Variants in SLC35A3 observed in about 807,000 individuals in gnomAD.
SLC35A3 encodes solute carrier family 35 member A3, also known as UDP-N-acetylglucosamine transporter.
SLC35A3 carries 26 observed loss-of-function variants against 39.0 expected under a neutral mutation model. The observed-to-expected ratio is 0.67, with a 90% confidence interval of 0.49 to 0.92. The LOEUF (loss-of-function observed/expected upper bound fraction) is 0.92, where lower values mean the gene tolerates loss of function less well. Ranked by LOEUF, SLC35A3 falls within the 40% of genes least tolerant of loss-of-function variation. The probability of loss-of-function intolerance (pLI) is 0.00; values close to 1 mark genes in which losing one functional copy is unlikely to be tolerated. For synonymous variants in SLC35A3, 135 were observed against 133.1 expected (o/e 1.01, Z -0.10); for missense variants, 299 against 371.6 (o/e 0.80, Z 1.61).
rs527388347 is a variant in SLC35A3 at position 100,029,489 on chromosome 1, G to C, written c.*7013G>C. 6.9e-6 allele frequency: 1 copy of C among 145,728 alleles called. No homozygotes were observed. The highest frequency in any genetic ancestry group is 1.5e-5 in the Non-Finnish European group (1 of 67,400). The allele number at this position is 145,728 out of a possible 1,614,324, so 9.0% of individuals were successfully genotyped here. ...TCTGTCACTCAGGCTGGAGTTCAGC[G>C]GCACGATCTCTGCTCACTGCAACCT... On this transcript the variant is annotated 3_prime_UTR_variant, in exon 8 of 8. Transcript: ENST00000533028.
chr1:100,011,864 G>A (rs575432652), intron 5 of SLC35A3, among the ~76,000 whole-genome samples: 4 of 151,430 alleles, frequency 2.6e-5, no homozygotes, highest in African/African-American at 4.8e-5. Context: ...GACTATAGGC[G>A]CCCGCCACCA....
At chr1:99,972,458 C>T (rs1656874075) in intron 1 of SLC35A3, among the ~76,000 whole-genome samples, 1 of 151,250 alleles carries the variant, frequency 6.6e-6, no homozygotes, top group African/African-American at 2.4e-5. Flanking sequence ...GCCTCAGCCT[C>T]TCGAGTAGCT....
intron 6 of SLC35A3, 75 bp downstream of exon 6, chr1:100,015,495 A>G (rs574187520): frequency 2.1e-6 from 3 of 1,453,636 alleles, no homozygotes; most frequent in East Asian, 2.4e-5. Flanking sequence ...AGCTCCTGAT[A>G]TACTGATGTG....
intron 1 of SLC35A3, among the ~76,000 whole-genome samples, chr1:99,985,876 A>G (rs896647655): frequency 2.0e-5 from 3 of 152,068 alleles, no homozygotes; most frequent in Non-Finnish European, 4.4e-5. Flanking sequence ...CAGCTTGGTC[A>G]CTGTTGGTGT....
At chr1:100,017,848 CA>C (rs1660264737) in intron 7 of SLC35A3, 33 bp downstream of exon 7, 1 of 1,411,942 alleles carries the variant, frequency 7.1e-7, no homozygotes, top group South Asian at 1.4e-5. Flanking sequence ...TTTAAATCCC[CA>C]GAAGTATATA....
intron 2 of SLC35A3, among the ~76,000 whole-genome samples, chr1:99,998,647 G>C (rs932659967): frequency 2.6e-5 from 4 of 152,168 alleles, no homozygotes; most frequent in Admixed American, 6.6e-5. Flanking sequence ...TATTTGAAAA[G>C]TGTAATAAAA....
chr1:99,990,371 C>T (rs991616623), intron 1 of SLC35A3, among the ~76,000 whole-genome samples: 4 of 151,966 alleles, frequency 2.6e-5, no homozygotes, highest in African/African-American at 2.4e-5. Context: ...GTCAGGAGAT[C>T]GAGACCATCC....
chr1:99,992,090 G>A (rs1172993568), intron 1 of SLC35A3, among the ~76,000 whole-genome samples: 3 of 152,136 alleles, frequency 2.0e-5, no homozygotes, highest in Non-Finnish European at 4.4e-5. Flanking sequence ...GTGGTTGATA[G>A]TGTTCAGATT....
chr1:100,012,216 G>A (rs923692937), intron 5 of SLC35A3, among the ~76,000 whole-genome samples: 7 of 151,950 alleles, frequency 4.6e-5, no homozygotes, highest in Non-Finnish European at 7.4e-5. Context: ...CCTAGGAGGC[G>A]GAGGTTGCAG....
intron 7 of SLC35A3, among the ~76,000 whole-genome samples, chr1:100,020,852 G>A (rs1400286194): frequency 6.6e-6 from 1 of 152,152 alleles, no homozygotes; most frequent in Non-Finnish European, 1.5e-5. Context: ...TAAAGACACT[G>A]TCAAGAAAGT....
At chr1:100,016,917 A>G (rs908838809) in intron 6 of SLC35A3, among the ~76,000 whole-genome samples, 2 of 152,204 alleles carry the variant, frequency 1.3e-5, no homozygotes, top group African/African-American at 4.8e-5. Context: ...TAGATGAATG[A>G]CAACATTGCC....
In SLC35A3 at chr1:100,011,360, T is replaced by C. The variant is rs767037243; in HGVS notation, c.466-5T>C. 1.4e-5 allele frequency: 20 copies of C among 1,429,126 alleles called. No homozygotes were observed. The highest frequency in any genetic ancestry group is 1.7e-5 in the Non-Finnish European group (18 of 1,064,950). 88.5% of individuals were successfully genotyped at this position (1,429,126 alleles called of 1,614,324 possible). On this transcript the variant is annotated splice_polypyrimidine_tract_variant and splice_region_variant and intron_variant, in intron 4 of 7. Transcript: ENST00000533028. ...AACTTCAATTTTATTTTTCTTCTTA[T>C]TTAGTGGCCCTCAGATTCTCAGCTT...
At chr1:99,988,622 C>T (rs937808521) in intron 1 of SLC35A3, among the ~76,000 whole-genome samples, 4 of 138,934 alleles carry the variant, frequency 2.9e-5, no homozygotes, top group African/African-American at 7.9e-5. Flanking sequence ...TTCTGTCCCT[C>T]CCCTCCCCTC....
rs1027016150 is a variant in SLC35A3 at position 100,027,030 on chromosome 1, C to T, written c.*4554C>T. ...CTATTTACCTGTGTCTATGACCTAACCTATGAATTAGTCTTCTCTCTTTAT... is the reference window on the plus strand; with the variant it reads ...CTATTTACCTGTGTCTATGACCTAATCTATGAATTAGTCTTCTCTCTTTAT... On this transcript the variant is annotated 3_prime_UTR_variant, in exon 8 of 8. Transcript: ENST00000533028. The T allele has an allele frequency of 1.2e-4, 48 of 395,414 alleles. No individual in the cohort carries two copies. Among genetic ancestry groups the T allele is most frequent in the Non-Finnish European group, 4.5e-6 (1 of 224,690 alleles). 24.5% of individuals were successfully genotyped at this position (395,414 alleles called of 1,614,324 possible). A position where few individuals can be genotyped will look rare whatever the true frequency, so the allele number is the denominator to read the frequency against.
chr1:99,991,789 G>A (rs751944134), intron 1 of SLC35A3, among the ~76,000 whole-genome samples: 4 of 151,906 alleles, frequency 2.6e-5, no homozygotes, highest in African/African-American at 7.3e-5. Context: ...TTGCTCTGCC[G>A]CCAGGCTAGA....
chr1:99,970,568 T>G, intron 1 of SLC35A3: 1 of 1,535,932 alleles, frequency 6.5e-7, no homozygotes, highest in Non-Finnish European at 8.7e-7. Context: ...AGCCCTGTGG[T>G]AGGCACAGAT....
rs1433884112 is a variant in SLC35A3, at chr1:100,028,433, C to T, written c.*5957C>T. 1 of 152,276 alleles carries T rather than the reference C, an allele frequency of 6.6e-6. No homozygotes were observed. The highest frequency in any genetic ancestry group is 1.5e-5 in the Non-Finnish European group (1 of 68,174). 9.4% of individuals were successfully genotyped at this position (152,276 alleles called of 1,614,324 possible). A position where few individuals can be genotyped will look rare whatever the true frequency, so the allele number is the denominator to read the frequency against. On this transcript the variant is annotated 3_prime_UTR_variant, in exon 8 of 8. Coordinates refer to ENST00000533028, the MANE Select transcript of SLC35A3 (RefSeq NM_012243.3). ...TGATAGAGCAAGCTCAAGTGATCCTCCCAGGAGCCTCGGCCCCCAAGCAGC... is the reference window on the plus strand; with the variant it reads ...TGATAGAGCAAGCTCAAGTGATCCTTCCAGGAGCCTCGGCCCCCAAGCAGC...
Position 100,024,033 on chromosome 1 carries a change from T to C in SLC35A3, c.*1557T>C, listed in dbSNP as rs1291435904. 6.6e-6 allele frequency: 1 copy of C among 151,216 alleles called. No homozygotes were observed. Among genetic ancestry groups the C allele is most frequent in the Non-Finnish European group, 1.5e-5 (1 of 67,828 alleles). 9.4% of individuals were successfully genotyped at this position (151,216 alleles called of 1,614,324 possible). A position where few individuals can be genotyped will look rare whatever the true frequency, so the allele number is the denominator to read the frequency against. On this transcript the variant is annotated 3_prime_UTR_variant, in exon 8 of 8. Coordinates refer to ENST00000533028, the MANE Select transcript of SLC35A3 (RefSeq NM_012243.3). ...AAAAAAAGAAAAAAAAAAAAGCTAC[T>C]GAGAAGGAGCCACCATTTTGCTTTA...
chr1:99,972,331 CTTTTT>C (rs761559206), intron 1 of SLC35A3, among the ~76,000 whole-genome samples: 5 of 131,998 alleles, frequency 3.8e-5, no homozygotes, highest in Non-Finnish European at 3.2e-5. Flanking sequence ...GTACTTACTA[CTTTTT>C]TTTTTTTTTT....
Sources: allele counts gnomAD v4.1 joint callset (sites outside exome capture counted in the v4.1 genomes callset), GRCh38; gene constraint gnomAD v4.1.1; transcripts MANE v1.5; gene names NCBI Gene and HGNC (gene_info 2026-07-23, HGNC 2026-07-21).